Variants in DRC8 observed in about 807,000 individuals in gnomAD.
DRC8 encodes the protein dynein regulatory complex protein 8.
At chr1:244,980,040 T>TAAAAA in the DRC8 span, among the ~76,000 whole-genome samples, 17 of 34,734 alleles carry the variant, frequency 4.9e-4, 1 homozygote, top group South Asian at 3.9e-3. Flanking sequence ...CCGTCTCTAC[T>TAAAAA]AAAAAAAAAA....
At chr1:244,984,131 G>A in the DRC8 span, among the ~76,000 whole-genome samples, 5 of 151,736 alleles carry the variant, frequency 3.3e-5, no homozygotes, top group Admixed American at 6.6e-5. Flanking sequence ...ATTTTTTTGG[G>A]GGGGGGGAAT....
the DRC8 span, among the ~76,000 whole-genome samples, chr1:245,079,520 C>T: frequency 2.0e-5 from 3 of 152,040 alleles, no homozygotes; most frequent in African/African-American, 4.8e-5. Flanking sequence ...TGAGGGAACC[C>T]GGGGAAGCGA....
At chr1:245,063,564 T>A in the DRC8 span, among the ~76,000 whole-genome samples, 1 of 152,178 alleles carries the variant, frequency 6.6e-6, no homozygotes, top group Admixed American at 6.5e-5. Flanking sequence ...TGGCCTTGGC[T>A]CAAATATGAT....
the DRC8 span, among the ~76,000 whole-genome samples, chr1:245,051,561 C>T: frequency 2.6e-5 from 4 of 152,002 alleles, no homozygotes; most frequent in South Asian, 2.1e-4. Flanking sequence ...GGAGAGCTAC[C>T]GATGGCAGGA....
At chr1:245,050,078 G>T in the DRC8 span, among the ~76,000 whole-genome samples, 1 of 152,178 alleles carries the variant, frequency 6.6e-6, no homozygotes, top group Non-Finnish European at 1.5e-5. Flanking sequence ...CATCCATGCA[G>T]ATCATGATCC....
chr1:245,002,032 A>T, the DRC8 span: 1 of 1,060,858 alleles, frequency 9.4e-7, no homozygotes, highest in South Asian at 1.4e-5. Flanking sequence ...TGAAAATACC[A>T]GGGATGATTT....
At chr1:245,004,012 C>T in the DRC8 span, among the ~76,000 whole-genome samples, 10 of 51,440 alleles carry the variant, frequency 1.9e-4, no homozygotes, top group Admixed American at 5.8e-4. Context: ...GTGCCACCTT[C>T]GAGTTTTGAG....
At chr1:245,072,974 C>T in the DRC8 span, among the ~76,000 whole-genome samples, 3 of 152,182 alleles carry the variant, frequency 2.0e-5, no homozygotes, top group Non-Finnish European at 4.4e-5. Context: ...GCTTCCTGTA[C>T]AGCCTGCAGA....
the DRC8 span, among the ~76,000 whole-genome samples, chr1:245,025,879 G>A: frequency 6.6e-6 from 1 of 152,200 alleles, no homozygotes; most frequent in Non-Finnish European, 1.5e-5. Context: ...CGCCATGTAA[G>A]ATGTGCCTCT....
chr1:245,118,582 G>A, the DRC8 span, among the ~76,000 whole-genome samples: 10 of 152,122 alleles, frequency 6.6e-5, no homozygotes, highest in East Asian at 1.5e-3. Flanking sequence ...GCCTAAGGTC[G>A]GGAGTACGAG....
chr1:245,071,703 A>G, the DRC8 span, among the ~76,000 whole-genome samples: 1 of 152,214 alleles, frequency 6.6e-6, no homozygotes, highest in African/African-American at 2.4e-5. Flanking sequence ...ATACAAGCTC[A>G]TTGATCAGTT....
chr1:245,104,404 T>C, the DRC8 span, among the ~76,000 whole-genome samples: 1 of 151,174 alleles, frequency 6.6e-6, no homozygotes, highest in African/African-American at 2.4e-5. Context: ...CTCGGGCAGC[T>C]GAGGCAGGAG....
At chr1:245,031,723 T>G in the DRC8 span, among the ~76,000 whole-genome samples, 1 of 152,126 alleles carries the variant, frequency 6.6e-6, no homozygotes, top group African/African-American at 2.4e-5. Context: ...CAAGGAAGGC[T>G]TTGGGCTCCT....
the DRC8 span, among the ~76,000 whole-genome samples, chr1:244,991,081 T>A: frequency 6.6e-6 from 1 of 152,212 alleles, no homozygotes. Context: ...ATCCTTAAGT[T>A]ACTCACACTT....
At chr1:245,043,524 T>C in the DRC8 span, among the ~76,000 whole-genome samples, 3 of 152,194 alleles carry the variant, frequency 2.0e-5, no homozygotes, top group Non-Finnish European at 4.4e-5. Flanking sequence ...TTCACTTTCT[T>C]TCAAAAGCCT....
chr1:245,062,697 G>A, the DRC8 span, among the ~76,000 whole-genome samples: 11 of 152,278 alleles, frequency 7.2e-5, no homozygotes, highest in Admixed American at 7.2e-4. Flanking sequence ...TTATTGGGGT[G>A]ACCATCTGCA....
At chr1:245,025,853 A>G in the DRC8 span, among the ~76,000 whole-genome samples, 1 of 152,190 alleles carries the variant, frequency 6.6e-6, no homozygotes, top group Non-Finnish European at 1.5e-5. Context: ...TCCCCTGCAG[A>G]CGGTCTCTTT....
the DRC8 span, among the ~76,000 whole-genome samples, chr1:244,972,139 A>G: frequency 2.6e-5 from 4 of 152,096 alleles, no homozygotes; most frequent in Non-Finnish European, 4.4e-5. Flanking sequence ...CTTTTGAACA[A>G]TTTTTTTCCA....
At chr1:245,061,607 TAAAA>T in the DRC8 span, among the ~76,000 whole-genome samples, 4 of 152,020 alleles carry the variant, frequency 2.6e-5, no homozygotes, top group African/African-American at 9.7e-5. Flanking sequence ...AAAAAGCACA[TAAAA>T]AAAGCACAAA....
Sources: allele counts gnomAD v4.1 joint callset (sites outside exome capture counted in the v4.1 genomes callset), GRCh38; gene constraint gnomAD v4.1.1; transcripts MANE v1.5; gene names NCBI Gene and HGNC (gene_info 2026-07-23, HGNC 2026-07-21).